Variants in ELF1 observed in about 807,000 individuals in gnomAD.
The protein encoded by ELF1 is ETS-related transcription factor Elf-1.
In ELF1, 24 loss-of-function variants were observed where a neutral mutation model predicts 59.9. The ratio of observed to expected loss-of-function variants is 0.40; its 90% CI spans 0.29 to 0.56. The LOEUF (loss-of-function observed/expected upper bound fraction) is 0.56, where lower values mean the gene tolerates loss of function less well. Ranked by LOEUF, ELF1 falls within the 20% of genes least tolerant of loss-of-function variation. The probability of loss-of-function intolerance (pLI) is 0.44; values close to 1 mark genes in which losing one functional copy is unlikely to be tolerated. For missense variants in ELF1, 627 were observed against 742.2 expected, an observed-to-expected ratio of 0.84 and a Z score of 1.80; for synonymous variants, 248 against 266.2, an observed-to-expected ratio of 0.93 and a Z score of 0.67.
chr13:40,979,290 A>G (rs910331866), intron 2 of ELF1, among the ~76,000 whole-genome samples: 1 of 152,106 alleles, frequency 6.6e-6, no homozygotes, highest in Non-Finnish European at 1.5e-5. Context: ...CATAGTTCTA[A>G]AAGCTTTAGA....
chr13:40,969,090 C>T (rs960270341), intron 2 of ELF1, among the ~76,000 whole-genome samples: 2 of 152,024 alleles, frequency 1.3e-5, no homozygotes, highest in African/African-American at 4.8e-5. Flanking sequence ...GTTGTAGTAC[C>T]CACTGCTCAA....
chr13:40,967,546 A>G (rs1872257049), intron 2 of ELF1, among the ~76,000 whole-genome samples: 2 of 152,194 alleles, frequency 1.3e-5, no homozygotes, highest in South Asian at 4.1e-4. Flanking sequence ...ATAGAAATAA[A>G]CACTCTCAAA....
At chr13:41,029,607 C>T (rs1367379520) in intron 1 of ELF1, among the ~76,000 whole-genome samples, 1 of 152,082 alleles carries the variant, frequency 6.6e-6, no homozygotes, top group Admixed American at 6.6e-5. Context: ...GTCCTGAACT[C>T]CTGGGCTCAA....
At chr13:41,018,526 A>AT (rs566892339) in intron 1 of ELF1, among the ~76,000 whole-genome samples, 2 of 152,228 alleles carry the variant, frequency 1.3e-5, no homozygotes, top group Admixed American at 6.5e-5. Context: ...ATAAAACTTC[A>AT]TTTTTTTCTA....
In ELF1 at chr13:41,024,967, C is replaced by T. The variant is rs1346768529; in HGVS notation, c.-229+35871G>A. On this transcript the variant is annotated intron_variant, in intron 1 of 1. Transcript: ENST00000405737. ...TACTTTAAATTCACCCATCACTCTG[C>T]TATTAGAGAAGTCTTCCTAAAGAAC... Among the ~76,000 whole-genome samples, 6 of 152,252 alleles carry T rather than the reference C, an allele frequency of 3.9e-5. No individual in the cohort carries two copies. The East Asian group carries it at 1.2e-3, about 29-fold the overall frequency.
At chr13:40,945,709 C>A (rs1870460979) in intron 5 of ELF1, among the ~76,000 whole-genome samples, 1 of 152,142 alleles carries the variant, frequency 6.6e-6, no homozygotes, top group African/African-American at 2.4e-5. Flanking sequence ...AACATGTAGA[C>A]CTTTTCATTT....
At chr13:41,030,804 G>A (rs1007277396) in intron 1 of ELF1, among the ~76,000 whole-genome samples, 1 of 150,126 alleles carries the variant, frequency 6.7e-6, no homozygotes, top group African/African-American at 2.5e-5. Flanking sequence ...AAGCTTTTTT[G>A]ATTTGGGTTG....
rs1172831088 is a variant in ELF1, at chr13:40,933,824, C to G, written c.1461G>C (p.Gln487His). 1.9e-6 allele frequency: 3 copies of G among 1,614,142 alleles called. No homozygotes were observed. Among genetic ancestry groups the G allele is most frequent in the African/African-American group, 2.7e-5 (2 of 74,946 alleles). ...AAGGAGGAGAGCCCGCCTTTTGTGA[C>G]TGCAGCATGACATTTTCTTTCAGTA... Reference protein sequence around the residue: ...MTVLKENVMLQSQKAGSPPSI... With the variant: ...MTVLKENVMLHSQKAGSPPSI... Residue 487 changes from glutamine to histidine, a missense_variant, in exon 9 of 9, where the codon CAG (glutamine) becomes CAC (histidine). By Grantham distance (24) the Gln-to-His change is conservative (BLOSUM62 0). Around this residue, in one of 3 missense-constraint regions of ELF1, gnomAD observed 361 missense variants for 396.1 expected, o/e 0.91. Coordinates refer to ENST00000239882, the MANE Select transcript of ELF1 (RefSeq NM_172373.4).
intron 1 of ELF1, among the ~76,000 whole-genome samples, chr13:41,046,965 T>C (rs1483902824): frequency 6.6e-6 from 1 of 152,250 alleles, no homozygotes; most frequent in Non-Finnish European, 1.5e-5. Flanking sequence ...CCCACATTTC[T>C]TGGAGGCTTT....
intron 2 of ELF1, among the ~76,000 whole-genome samples, chr13:40,976,787 C>T (rs1391497055): frequency 6.6e-6 from 1 of 152,024 alleles, no homozygotes; most frequent in Admixed American, 6.6e-5. Flanking sequence ...TGATATACAC[C>T]ACCCGCTTTG....
intron 1 of ELF1, among the ~76,000 whole-genome samples, chr13:41,002,239 G>C (rs1438909229): frequency 6.6e-6 from 1 of 152,140 alleles, no homozygotes; most frequent in South Asian, 2.1e-4. Flanking sequence ...GTGACACTGT[G>C]TACTGGGATT....
chr13:41,024,686 G>T (rs1875824478), intron 1 of ELF1, among the ~76,000 whole-genome samples: 1 of 151,950 alleles, frequency 6.6e-6, no homozygotes, highest in South Asian at 2.1e-4. Flanking sequence ...CACCATTGCT[G>T]TGTTTCTATG....
chr13:41,011,048 A>C (rs1875035691), intron 1 of ELF1, among the ~76,000 whole-genome samples: 1 of 152,214 alleles, frequency 6.6e-6, no homozygotes. Context: ...AAGATTCAGA[A>C]ATTGCTACCA....
At chr13:40,948,607 A>G (rs1471322650) in intron 5 of ELF1, among the ~76,000 whole-genome samples, 1 of 152,192 alleles carries the variant, frequency 6.6e-6, no homozygotes, top group Admixed American at 6.6e-5. Flanking sequence ...GCTATTAATC[A>G]AGACATTATA....
intron 1 of ELF1, among the ~76,000 whole-genome samples, chr13:41,057,014 G>C (rs1877309431): frequency 6.6e-6 from 1 of 152,180 alleles, no homozygotes; most frequent in Non-Finnish European, 1.5e-5. Context: ...GATGGGTAAA[G>C]TCCAGATAAT....
At chr13:41,029,836 C>T (rs936654506) in intron 1 of ELF1, among the ~76,000 whole-genome samples, 1 of 152,114 alleles carries the variant, frequency 6.6e-6, no homozygotes, top group African/African-American at 2.4e-5. Context: ...GGAAAGACTG[C>T]AGTTACCAAA....
intron 1 of ELF1, among the ~76,000 whole-genome samples, chr13:41,013,750 C>T (rs1875206129): frequency 6.6e-6 from 1 of 151,976 alleles, no homozygotes; most frequent in South Asian, 2.1e-4. Flanking sequence ...TATTTTCCTA[C>T]ATGCACATTT....
chr13:41,045,525 T>G (rs1012811702), intron 1 of ELF1, among the ~76,000 whole-genome samples: 80 of 152,340 alleles, frequency 5.3e-4, no homozygotes, highest in Middle Eastern at 6.8e-3. Flanking sequence ...ACATGTTTAT[T>G]TCTGCCTTCA....
At chr13:41,031,671 T>G (rs911409573) in intron 1 of ELF1, among the ~76,000 whole-genome samples, 3 of 151,340 alleles carry the variant, frequency 2.0e-5, no homozygotes, top group African/African-American at 7.3e-5. Flanking sequence ...TACAAAAAAA[T>G]TAGCCAGGGG....
Sources: gnomAD v4.1 joint callset for allele counts (sites outside exome capture counted in the v4.1 genomes callset) on GRCh38, gnomAD v4.1.1 for gene constraint, gnomAD v4.1.1 regional missense constraint, MANE v1.5 for transcripts, NCBI Gene and HGNC (gene_info 2026-07-23, HGNC 2026-07-21) for gene names.